USP48: variants seen among roughly 807,000 people sequenced by gnomAD.
USP48 encodes the protein ubiquitin specific peptidase 48, also known as ubiquitin carboxyl-terminal hydrolase 48.
A neutral mutation model predicts 150.7 loss-of-function variants in USP48; 43 were observed. The observed-to-expected ratio is 0.29, with a 90% CI of 0.22 to 0.37. The LOEUF (loss-of-function observed/expected upper bound fraction) is 0.37. Ranked by LOEUF, USP48 falls within the 10% of genes least tolerant of loss-of-function variation. The pLI, the probability that USP48 is intolerant of heterozygous loss-of-function variation, is 1.00. For missense variants in USP48, 813 were observed against 1,249.6 expected, an observed-to-expected ratio of 0.65 and a Z score of 5.27; for synonymous variants, 396 against 425.9, an observed-to-expected ratio of 0.93 and a Z score of 0.86.
At chr1:21,758,599 A>C (rs1172025014) in intron 1 of USP48, among the ~76,000 whole-genome samples, 1 of 151,840 alleles carries the variant, frequency 6.6e-6, no homozygotes, top group African/African-American at 2.4e-5. Flanking sequence ...AAAATACAAA[A>C]ATTAGCCGGG....
chr1:21,687,041 C>G (rs761508320), intron 25 of USP48, 150 bp downstream of exon 25: 22 of 715,046 alleles, frequency 3.1e-5, no homozygotes, highest in Non-Finnish European at 4.4e-5. Context: ...TTTCTATGAT[C>G]TTTTAAGATA....
chr1:21,692,582 G>C (rs2097605704), intron 23 of USP48, among the ~76,000 whole-genome samples: 1 of 152,192 alleles, frequency 6.6e-6, no homozygotes, highest in East Asian at 1.9e-4. Flanking sequence ...GAACGGACAA[G>C]GGCACTGAGA....
chr1:21,764,130 G>T (rs1265285954), intron 1 of USP48, among the ~76,000 whole-genome samples: 2 of 152,102 alleles, frequency 1.3e-5, no homozygotes, highest in Non-Finnish European at 2.9e-5. Context: ...CAAGGAGGTT[G>T]AGTGTTTCAC....
intron 21 of USP48, among the ~76,000 whole-genome samples, chr1:21,703,058 T>TA (rs1449477948): frequency 2.0e-5 from 3 of 152,160 alleles, no homozygotes; most frequent in Non-Finnish European, 4.4e-5. Context: ...AGGGCTTGGG[T>TA]AAAAACAACT....
intron 15 of USP48, among the ~76,000 whole-genome samples, chr1:21,709,843 T>C (rs765302438): frequency 4.7e-4 from 71 of 152,168 alleles, no homozygotes; most frequent in Non-Finnish European, 6.3e-4. Flanking sequence ...TAAATAGTCA[T>C]TTTACTGTAG....
chr1:21,706,289 T>C, intron 17 of USP48, 102 bp from the exon 18 acceptor site: 1 of 1,511,070 alleles, frequency 6.6e-7, no homozygotes, highest in Non-Finnish European at 9.0e-7. Context: ...GTTTTATAAA[T>C]AAAATGAAAA....
chr1:21,779,687 T>G (rs767337418), intron 1 of USP48, among the ~76,000 whole-genome samples: 1 of 152,136 alleles, frequency 6.6e-6, no homozygotes. Context: ...AACATTATAA[T>G]AGCCAAAAAG....
intron 23 of USP48, among the ~76,000 whole-genome samples, chr1:21,694,502 G>A (rs111298477): frequency 2.6e-4 from 37 of 141,116 alleles, no homozygotes; most frequent in African/African-American, 8.3e-4. Flanking sequence ...CCCGGTAGGC[G>A]GAGGTTGCAG....
chr1:21,731,326 CG>C (rs1557518524), intron 9 of USP48, among the ~76,000 whole-genome samples: 1 of 151,872 alleles, frequency 6.6e-6, no homozygotes, highest in East Asian at 2.0e-4. Flanking sequence ...TGGAATGGCA[CG>C]ATCTCAGTGT....
intron 11 of USP48, among the ~76,000 whole-genome samples, chr1:21,725,761 A>G (rs2097735372): frequency 6.6e-6 from 1 of 151,714 alleles, no homozygotes; most frequent in African/African-American, 2.4e-5. Context: ...CTCAAAAAAA[A>G]AAAAGAGGAG....
intron 11 of USP48, 172 bp from the exon 12 acceptor site, chr1:21,724,267 T>A (rs1241872799): frequency 1.5e-6 from 1 of 676,780 alleles, no homozygotes; most frequent in African/African-American, 1.8e-5. Context: ...TCCAGTTAAG[T>A]GCCACTCCTA....
intron 1 of USP48, 122 bp from the exon 2 acceptor site, chr1:21,757,905 A>G: frequency 8.0e-7 from 1 of 1,246,142 alleles, no homozygotes; most frequent in Non-Finnish European, 1.1e-6. Flanking sequence ...AGAAAGTATA[A>G]GACACTCAGT....
intron 1 of USP48, among the ~76,000 whole-genome samples, chr1:21,779,062 T>G (rs1557630050): frequency 6.6e-6 from 1 of 151,838 alleles, no homozygotes. Context: ...GTTACAGGCG[T>G]GAGCCACCAC....
chr1:21,748,343 A>G, intron 6 of USP48, 72 bp from the exon 7 acceptor site: 8 of 1,393,292 alleles, frequency 5.7e-6, no homozygotes, highest in Non-Finnish European at 7.8e-6. Flanking sequence ...CCCTTGATGT[A>G]AAGTATAATT....
chr1:21,765,366 A>G (rs1362387899), intron 1 of USP48, among the ~76,000 whole-genome samples: 1 of 152,198 alleles, frequency 6.6e-6, no homozygotes, highest in Non-Finnish European at 1.5e-5. Flanking sequence ...CTGTAATCCC[A>G]GCATTTTGGG....
At chr1:21,680,770 C>CT in intron 26 of USP48, 38 bp downstream of exon 26, 1 of 1,558,780 alleles carries the variant, frequency 6.4e-7, no homozygotes, top group Non-Finnish European at 8.6e-7. Context: ...CAGGATGACT[C>CT]TGACATTCAT....
At chr1:21,765,539 C>G (rs1204853292) in intron 1 of USP48, among the ~76,000 whole-genome samples, 1 of 151,860 alleles carries the variant, frequency 6.6e-6, no homozygotes, top group Non-Finnish European at 1.5e-5. Flanking sequence ...CTCGCTTGAA[C>G]CCGGGAGGCG....
chr1:21,703,768 G>A, intron 20 of USP48, 150 bp from the exon 21 acceptor site: 1 of 667,756 alleles, frequency 1.5e-6, no homozygotes, highest in Non-Finnish European at 2.5e-6. Context: ...GTTTTGCTGT[G>A]TCACCCAGGC....
At chr1:21,698,422 C>T (rs2097644261) in intron 22 of USP48, among the ~76,000 whole-genome samples, 1 of 152,150 alleles carries the variant, frequency 6.6e-6, no homozygotes, top group African/African-American at 2.4e-5. Flanking sequence ...TCATCCACAA[C>T]TAAGGAGAGT....
Sources: allele counts gnomAD v4.1 joint callset (sites outside exome capture counted in the v4.1 genomes callset), GRCh38; gene constraint gnomAD v4.1.1; transcripts MANE v1.5; gene names NCBI Gene and HGNC (gene_info 2026-07-23, HGNC 2026-07-21).